USP47: variants seen among roughly 807,000 people sequenced by gnomAD.
The protein encoded by USP47 is ubiquitin carboxyl-terminal hydrolase 47.
USP47 carries 35 observed loss-of-function variants against 165.1 expected under a neutral mutation model. That is an observed-to-expected ratio of 0.21 (90% CI 0.16 to 0.28). The LOEUF is 0.28. USP47 is among the 10% of genes least tolerant of loss of function. USP47 has a pLI of 1.00. For synonymous variants in USP47, 531 were observed against 544.5 expected (o/e 0.98, Z 0.35); for missense variants, 1,277 against 1,607.4 (o/e 0.79, Z 3.52).
Position 11,947,932 on chromosome 11 carries a change from T to C in USP47, c.3092-13T>C. The stretch of plus-strand genomic sequence containing the variant: ...CATTTTTGTTCCTGTTTTGGTTTTT[T>C]TTTTGTGCTTAGGGTTGATGGTGCA... On this transcript the variant is annotated splice_polypyrimidine_tract_variant and intron_variant, in intron 20 of 27. Coordinates refer to ENST00000527733, the MANE Select transcript of USP47 (RefSeq NM_001282659.2). 2 of 1,572,782 alleles carry C rather than the reference T, an allele frequency of 1.3e-6. No individual in the cohort carries two copies. The highest frequency in any genetic ancestry group is 1.7e-6 in the Non-Finnish European group (2 of 1,167,402).
chr11:11,931,694 G>C (rs1440888960), intron 14 of USP47, among the ~76,000 whole-genome samples: 1 of 152,078 alleles, frequency 6.6e-6, no homozygotes, highest in Non-Finnish European at 1.5e-5. Context: ...TTAAATTAGA[G>C]TTCTTTCCTA....
chr11:11,929,403 C>T (rs887659621), intron 11 of USP47, 31 bp from the exon 12 acceptor site: 9 of 1,605,830 alleles, frequency 5.6e-6, no homozygotes, highest in African/African-American at 2.7e-5. Context: ...TTTTCCTTCT[C>T]CTCTGAGTTA....
rs147833659 is a variant in USP47 at position 11,913,269 on chromosome 11, A to C, written c.970-6887A>C. On this transcript the variant is annotated intron_variant, in intron 8 of 27. Coordinates refer to ENST00000527733, the MANE Select transcript of USP47 (RefSeq NM_001282659.2). ...GAAAATCCCTTGTACAAAAAAAAAAAAAAAAAAACAACACCTGAACTAATA... is the reference window on the plus strand; with the variant it reads ...GAAAATCCCTTGTACAAAAAAAAAACAAAAAAAACAACACCTGAACTAATA... Among the ~76,000 whole-genome samples the C allele has an allele frequency of 1.4e-3, 218 of 151,252 alleles. 2 individuals are homozygous for C. The highest frequency in any genetic ancestry group is 5.0e-3 in the African/African-American group (208 of 41,384).
At chr11:11,892,834 A>G (rs1398909053) in intron 4 of USP47, among the ~76,000 whole-genome samples, 1 of 129,954 alleles carries the variant, frequency 7.7e-6, no homozygotes, top group African/African-American at 3.0e-5. Context: ...AAAAAAAAAA[A>G]GAAAAAGAAA....
chr11:11,896,407 C>T lies in USP47; in HGVS notation c.497-1190C>T, dbSNP rs898275103. 5.3e-5 allele frequency among the ~76,000 whole-genome samples: 8 copies of T among 151,990 alleles called. No individual in the cohort carries two copies. In the East Asian group the frequency reaches 5.8e-4, roughly 11 times the overall value. On this transcript the variant is annotated intron_variant, in intron 4 of 27. Transcript: ENST00000527733. ...TGTTGAGGAATTGGGAGGAGGAGGA[C>T]GGAGAAGAAAAGAAATCCCAGAGCA...
intron 8 of USP47, among the ~76,000 whole-genome samples, chr11:11,918,716 T>TA (rs1853606451): frequency 6.6e-6 from 1 of 151,958 alleles, no homozygotes; most frequent in African/African-American, 2.4e-5. Context: ...GATCTCTAGG[T>TA]ATTAACTATA....
intron 16 of USP47, among the ~76,000 whole-genome samples, chr11:11,934,460 G>A (rs987338044): frequency 3.9e-5 from 6 of 152,124 alleles, no homozygotes; most frequent in African/African-American, 1.4e-4. Flanking sequence ...GAGAAAGGGA[G>A]ACAGCGATGC....
At chr11:11,921,232 GT>G (rs547813308) in intron 10 of USP47, among the ~76,000 whole-genome samples, 9 of 145,894 alleles carry the variant, frequency 6.2e-5, no homozygotes, top group South Asian at 2.2e-4. Context: ...ACCCTGAAGC[GT>G]TTTTTTTTTG....
intron 2 of USP47, among the ~76,000 whole-genome samples, chr11:11,881,933 C>CTCTT (rs1046876669): frequency 6.6e-6 from 1 of 152,080 alleles, no homozygotes; most frequent in African/African-American, 2.4e-5. Context: ...CAGAACATAG[C>CTCTT]AGAGGTACTG....
chr11:11,913,259 A>C (rs1853142592), intron 8 of USP47, among the ~76,000 whole-genome samples: 3 of 60,230 alleles, frequency 5.0e-5, no homozygotes, highest in Non-Finnish European at 1.1e-4. Context: ...TCCCTTGTAC[A>C]AAAAAAAAAA....
intron 1 of USP47, chr11:11,878,508 G>A (rs1352892240): frequency 6.6e-6 from 1 of 152,110 alleles, no homozygotes; most frequent in African/African-American, 2.4e-5. Flanking sequence ...GGGTTAAAAT[G>A]TGTAAAATAA....
chr11:11,891,304 T>C (rs970699076), intron 3 of USP47, among the ~76,000 whole-genome samples: 3 of 152,226 alleles, frequency 2.0e-5, no homozygotes, highest in African/African-American at 7.2e-5. Flanking sequence ...TTGATGCTTT[T>C]CATTTAGAAG....
rs1417254556 is a variant in USP47 at position 11,950,124 on chromosome 11, G to C, written c.3464+120G>C. Reference sequence around the variant, plus strand: ...ATTTCCTGTGCTATTCAGAATTTTAGTATGACAGATTAGTTTAATAGGACT... The same window carrying C: ...ATTTCCTGTGCTATTCAGAATTTTACTATGACAGATTAGTTTAATAGGACT... On this transcript the variant is annotated intron_variant, in intron 23 of 27. Transcript: ENST00000527733. 5 of 787,100 alleles carry C rather than the reference G, an allele frequency of 6.4e-6. No individual in the cohort carries two copies. The South Asian group carries it at 7.9e-5, about 12-fold the overall frequency. The allele number at this position is 787,100 out of a possible 1,614,324, so 48.8% of individuals were successfully genotyped here.
chr11:11,874,793 A>G (rs1454779544), intron 1 of USP47, among the ~76,000 whole-genome samples: 1 of 152,120 alleles, frequency 6.6e-6, no homozygotes, highest in Non-Finnish European at 1.5e-5. Context: ...TCCTGACTTC[A>G]GGTGATCCAC....
chr11:11,902,383 T>G (rs1254565587), intron 5 of USP47, among the ~76,000 whole-genome samples: 5 of 152,230 alleles, frequency 3.3e-5, no homozygotes, highest in African/African-American at 1.2e-4. Flanking sequence ...ATAGTATTCT[T>G]CTGTTTCCTG....
intron 1 of USP47, among the ~76,000 whole-genome samples, chr11:11,847,238 T>A (rs1263923092): frequency 2.0e-5 from 3 of 152,018 alleles, no homozygotes; most frequent in Non-Finnish European, 4.4e-5. Context: ...AAAACAGAAA[T>A]TGAGATGATC....
intron 19 of USP47, among the ~76,000 whole-genome samples, chr11:11,941,958 G>C (rs1855503435): frequency 6.6e-6 from 1 of 152,000 alleles, no homozygotes; most frequent in Non-Finnish European, 1.5e-5. Flanking sequence ...TGTGTCTGTA[G>C]TTCAGGCTAA....
chr11:11,896,187 G>C (rs1282269520), intron 4 of USP47, among the ~76,000 whole-genome samples: 1 of 152,180 alleles, frequency 6.6e-6, no homozygotes, highest in African/African-American at 2.4e-5. Flanking sequence ...GTAAAATAAA[G>C]AGCTATGGCA....
At chr11:11,917,582 G>A (rs1853518360) in intron 8 of USP47, among the ~76,000 whole-genome samples, 1 of 148,468 alleles carries the variant, frequency 6.7e-6, no homozygotes, top group Non-Finnish European at 1.5e-5. Context: ...TTGTGTGGGT[G>A]GGGAATAAAG....
Sources: allele counts gnomAD v4.1 joint callset (sites outside exome capture counted in the v4.1 genomes callset), GRCh38; gene constraint gnomAD v4.1.1; transcripts MANE v1.5; gene names NCBI Gene and HGNC (gene_info 2026-07-23, HGNC 2026-07-21).